The following LRRC37A2 variants were observed in gnomAD, a reference collection of about 807,000 sequenced individuals.
LRRC37A2 encodes the protein leucine rich repeat containing 37 member A2, also known as leucine-rich repeat-containing protein 37A2.
Under a neutral mutation model 68.8 loss-of-function variants are expected in LRRC37A2, and 9 were observed. The ratio of observed to expected loss-of-function variants is 0.13; its 90% CI spans 0.08 to 0.23. The LOEUF (loss-of-function observed/expected upper bound fraction) is 0.23, where lower values mean the gene tolerates loss of function less well. Ranked by LOEUF, LRRC37A2 falls within the 10% of genes least tolerant of loss-of-function variation. The probability of loss-of-function intolerance (pLI) is 1.00; values close to 1 mark genes in which losing one functional copy is unlikely to be tolerated. For synonymous variants in LRRC37A2, 63 were observed against 367.6 expected, an observed-to-expected ratio of 0.17 and a Z score of 9.48; for missense variants, 168 against 950.4, an observed-to-expected ratio of 0.18 and a Z score of 10.82.
the LRRC37A2 span, among the ~76,000 whole-genome samples, chr17:47,035,548 G>A: frequency 1.3e-4 from 20 of 152,266 alleles, 1 homozygote; most frequent in South Asian, 3.5e-3. Context: ...CACTATATCC[G>A]TTCATCCATT....
the LRRC37A2 span, among the ~76,000 whole-genome samples, chr17:47,001,803 C>T: frequency 6.9e-6 from 1 of 145,724 alleles, no homozygotes; most frequent in South Asian, 2.2e-4. Flanking sequence ...CTCACTGCAA[C>T]CTCCGCCTCC....
the LRRC37A2 span, among the ~76,000 whole-genome samples, chr17:46,900,282 G>T: frequency 3.6e-5 from 5 of 139,888 alleles, no homozygotes; most frequent in African/African-American, 1.4e-4. Context: ...ATGGAATCTC[G>T]CTCTGTTGCC....
At chr17:47,018,550 C>A in the LRRC37A2 span, 4 of 1,520,206 alleles carry the variant, frequency 2.6e-6, no homozygotes, top group African/African-American at 4.1e-5. Flanking sequence ...GAACCTCCCA[C>A]CATCCAGCAC....
At chr17:46,885,049 C>T in the LRRC37A2 span, 3 of 442,956 alleles carry the variant, frequency 6.8e-6, no homozygotes, top group Admixed American at 5.0e-5. Flanking sequence ...AGTGCAGTGG[C>T]AAGATCTCAG....
chr17:46,803,685 T>C, the LRRC37A2 span, among the ~76,000 whole-genome samples: 2 of 152,210 alleles, frequency 1.3e-5, no homozygotes, highest in African/African-American at 4.8e-5. Context: ...CCATCCCTTC[T>C]GCATCCCATG....
At chr17:46,783,968 C>G in the LRRC37A2 span, among the ~76,000 whole-genome samples, 1 of 152,164 alleles carries the variant, frequency 6.6e-6, no homozygotes, top group Admixed American at 6.5e-5. Context: ...GCTGGGAAAG[C>G]GGCTGGGAGG....
At chr17:46,609,811 G>C in the LRRC37A2 span, among the ~76,000 whole-genome samples, 1 of 140,558 alleles carries the variant, frequency 7.1e-6, no homozygotes, top group African/African-American at 2.6e-5. Flanking sequence ...TAATATTCTC[G>C]GGTGTCTCAC....
chr17:46,869,815 A>G, the LRRC37A2 span, among the ~76,000 whole-genome samples: 1 of 152,012 alleles, frequency 6.6e-6, no homozygotes, highest in Admixed American at 6.6e-5. Flanking sequence ...CCTGGCTAAC[A>G]TGGTGAAACC....
At chr17:46,839,692 G>T in the LRRC37A2 span, among the ~76,000 whole-genome samples, 2 of 148,364 alleles carry the variant, frequency 1.3e-5, no homozygotes, top group East Asian at 3.9e-4. Context: ...AGTCCCCCCC[G>T]CCAAGAGGCC....
At chr17:47,028,674 G>A in the LRRC37A2 span, among the ~76,000 whole-genome samples, 1 of 151,926 alleles carries the variant, frequency 6.6e-6, no homozygotes, top group Non-Finnish European at 1.5e-5. Flanking sequence ...TTTGGGAGCC[G>A]AGGTGGGTGG....
chr17:46,871,872 G>T, the LRRC37A2 span, among the ~76,000 whole-genome samples: 1 of 152,026 alleles, frequency 6.6e-6, no homozygotes, highest in East Asian at 1.9e-4. Flanking sequence ...CTCTCCCCAG[G>T]CATCTGTTTG....
chr17:46,872,655 C>G, the LRRC37A2 span: 4 of 1,613,662 alleles, frequency 2.5e-6, no homozygotes. Flanking sequence ...GGAGGGAGCC[C>G]GGCCTGGCTG....
the LRRC37A2 span, among the ~76,000 whole-genome samples, chr17:46,943,686 A>G: frequency 3.3e-5 from 5 of 152,200 alleles, no homozygotes; most frequent in Admixed American, 1.3e-4. Flanking sequence ...GGGCCAGCAA[A>G]GCTGTTGCAG....
the LRRC37A2 span, among the ~76,000 whole-genome samples, chr17:46,771,088 G>C: frequency 2.6e-5 from 4 of 152,258 alleles, no homozygotes; most frequent in South Asian, 6.2e-4. Flanking sequence ...AGTGCTGCAA[G>C]AAGGAAGCCC....
At chr17:46,866,651 G>C in the LRRC37A2 span, among the ~76,000 whole-genome samples, 1 of 152,072 alleles carries the variant, frequency 6.6e-6, no homozygotes, top group African/African-American at 2.4e-5. Context: ...GCAGCACAAG[G>C]CTTTCCCGGT....
the LRRC37A2 span, among the ~76,000 whole-genome samples, chr17:46,892,943 CT>C: frequency 0.036 from 5,270 of 146,854 alleles, 103 homozygotes; most frequent in Middle Eastern, 0.067. Context: ...TTTTTCTTTT[CT>C]TTTTTTTTTT....
chr17:46,822,045 G>A, the LRRC37A2 span, among the ~76,000 whole-genome samples: 1 of 152,256 alleles, frequency 6.6e-6, no homozygotes, highest in Non-Finnish European at 1.5e-5. Flanking sequence ...ACCTGGGGGG[G>A]TAAAGGGAGA....
the LRRC37A2 span, among the ~76,000 whole-genome samples, chr17:46,588,692 C>CA: frequency 5.1e-3 from 156 of 30,326 alleles, 52 homozygotes; most frequent in African/African-American, 0.015. Context: ...GTCAAGGTGT[C>CA]AAAAAAAAAA....
the LRRC37A2 span, among the ~76,000 whole-genome samples, chr17:47,020,687 C>A: frequency 7.0e-6 from 1 of 142,448 alleles, no homozygotes; most frequent in African/African-American, 2.6e-5. Context: ...GAGGCTGAGG[C>A]AGGAGAATGG....
Sources: gnomAD v4.1 joint callset for allele counts (sites outside exome capture counted in the v4.1 genomes callset) on GRCh38, gnomAD v4.1.1 for gene constraint, MANE v1.5 for transcripts, NCBI Gene and HGNC (gene_info 2026-07-23, HGNC 2026-07-21) for gene names.